GPHN: variants seen among roughly 807,000 people sequenced by gnomAD.
GPHN encodes gephyrin.
GPHN carries 17 observed loss-of-function variants against 95.5 expected under a neutral mutation model. The ratio of observed to expected loss-of-function variants is 0.18; its 90% confidence interval spans 0.12 to 0.27. The LOEUF (loss-of-function observed/expected upper bound fraction) is 0.27. Ranked by LOEUF, GPHN falls within the 10% of genes least tolerant of loss-of-function variation. GPHN has a pLI of 1.00. For missense variants in GPHN, 660 were observed against 978.1 expected, an observed-to-expected ratio of 0.67 and a Z score of 4.34; for synonymous variants, 320 against 322.5, an observed-to-expected ratio of 0.99 and a Z score of 0.08.
intron 2 of GPHN, among the ~76,000 whole-genome samples, chr14:66,725,470 G>A (rs1462550749): frequency 6.6e-6 from 1 of 152,104 alleles, no homozygotes; most frequent in African/African-American, 2.4e-5. Context: ...GACAGATAGT[G>A]TTTTTGTTTG....
At chr14:67,454,905 A>G in the GPHN span, among the ~76,000 whole-genome samples, 1 of 149,234 alleles carries the variant, frequency 6.7e-6, no homozygotes, top group Non-Finnish European at 1.5e-5. Context: ...ACGGAGTCTC[A>G]CTCTGTCACC....
At chr14:67,315,523 A>G in the GPHN span, among the ~76,000 whole-genome samples, 2 of 152,034 alleles carry the variant, frequency 1.3e-5, no homozygotes, top group Non-Finnish European at 1.5e-5. Flanking sequence ...TGATCTGCCC[A>G]CCTTGGCCTC....
the GPHN span, chr14:67,334,583 C>T: frequency 6.6e-6 from 1 of 152,438 alleles, no homozygotes; most frequent in African/African-American, 2.4e-5. Flanking sequence ...TTATATGTCG[C>T]CTTTTTCTGT....
At chr14:67,195,811 T>C in the GPHN span, among the ~76,000 whole-genome samples, 1 of 151,720 alleles carries the variant, frequency 6.6e-6, no homozygotes. Context: ...TGGCACGATC[T>C]CAGCTCACTG....
At chr14:66,917,284 G>A (rs1052521759) in intron 6 of GPHN, among the ~76,000 whole-genome samples, 1 of 152,126 alleles carries the variant, frequency 6.6e-6, no homozygotes, top group Non-Finnish European at 1.5e-5. Context: ...GACATTAACA[G>A]ACCAGAATGT....
At chr14:67,542,120 G>GA in the GPHN span, 5 of 899,424 alleles carry the variant, frequency 5.6e-6, no homozygotes, top group African/African-American at 6.8e-5. Flanking sequence ...TATGCAAAAT[G>GA]AAACCCAAGG....
At chr14:67,516,347 G>A in the GPHN span, among the ~76,000 whole-genome samples, 5 of 152,134 alleles carry the variant, frequency 3.3e-5, no homozygotes, top group African/African-American at 1.2e-4. Context: ...CCCTATGCAT[G>A]CCGAGGCCTG....
chr14:67,464,926 G>C, the GPHN span, among the ~76,000 whole-genome samples: 1 of 152,110 alleles, frequency 6.6e-6, no homozygotes, highest in Non-Finnish European at 1.5e-5. Flanking sequence ...TCTAGATCTG[G>C]GTTAATCCCT....
chr14:66,955,534 T>A (rs1392882991), intron 8 of GPHN, among the ~76,000 whole-genome samples: 1 of 152,188 alleles, frequency 6.6e-6, no homozygotes, highest in Non-Finnish European at 1.5e-5. Context: ...CTTAAAGATT[T>A]GTTCGTTTTG....
chr14:67,130,918 T>C (rs1238847992), intron 17 of GPHN, among the ~76,000 whole-genome samples: 1 of 152,156 alleles, frequency 6.6e-6, no homozygotes, highest in East Asian at 1.9e-4. Flanking sequence ...TATGTCTTCT[T>C]TTGAGAAGTG....
chr14:67,728,703 TG>T, the GPHN span, among the ~76,000 whole-genome samples: 10,177 of 142,222 alleles, frequency 0.072, 445 homozygotes, highest in Middle Eastern at 0.15. Flanking sequence ...GGATATCTTG[TG>T]GGGGGGGGGT....
At chr14:66,639,782 A>G (rs965421717) in intron 1 of GPHN, among the ~76,000 whole-genome samples, 1 of 152,092 alleles carries the variant, frequency 6.6e-6, no homozygotes, top group Non-Finnish European at 1.5e-5. Flanking sequence ...ATGATATTTT[A>G]TAAAATTTAT....
intron 4 of GPHN, among the ~76,000 whole-genome samples, chr14:66,870,635 A>G (rs2063396198): frequency 6.6e-6 from 1 of 152,218 alleles, no homozygotes; most frequent in Non-Finnish European, 1.5e-5. Flanking sequence ...ATTTTTAAAA[A>G]TATAAATGTG....
the GPHN span, among the ~76,000 whole-genome samples, chr14:67,347,625 T>A: frequency 6.6e-6 from 1 of 151,702 alleles, no homozygotes; most frequent in Non-Finnish European, 1.5e-5. Context: ...GTCAGCCTCC[T>A]GAATAGGTGG....
chr14:66,901,901 A>T (rs2065144614), intron 5 of GPHN, among the ~76,000 whole-genome samples: 1 of 151,866 alleles, frequency 6.6e-6, no homozygotes, highest in Admixed American at 6.6e-5. Flanking sequence ...TTGTTTTTAT[A>T]TTTCTGTGGA....
At chr14:67,554,657 G>A in the GPHN span, among the ~76,000 whole-genome samples, 1 of 152,184 alleles carries the variant, frequency 6.6e-6, no homozygotes, top group Admixed American at 6.5e-5. Context: ...GCCCTGGCAG[G>A]GGAAGAATGG....
chr14:66,598,184 G>T (rs1190328821), intron 1 of GPHN, among the ~76,000 whole-genome samples: 2 of 152,030 alleles, frequency 1.3e-5, no homozygotes, highest in Non-Finnish European at 2.9e-5. Context: ...TAAAGTGGAG[G>T]AATAAATTCA....
intron 11 of GPHN, among the ~76,000 whole-genome samples, chr14:67,072,247 GTA>G (rs2076340076): frequency 6.6e-6 from 1 of 152,026 alleles, no homozygotes; most frequent in Non-Finnish European, 1.5e-5. Context: ...CCTTATTCCA[GTA>G]AAGAAGGATC....
the GPHN span, among the ~76,000 whole-genome samples, chr14:67,700,015 C>G: frequency 6.6e-6 from 1 of 151,952 alleles, no homozygotes; most frequent in South Asian, 2.1e-4. Flanking sequence ...TGGTGCGCAC[C>G]TGTAGTCCCA....
Sources: allele counts gnomAD v4.1 joint callset (sites outside exome capture counted in the v4.1 genomes callset), GRCh38; gene constraint gnomAD v4.1.1; transcripts MANE v1.5; gene names NCBI Gene and HGNC (gene_info 2026-07-23, HGNC 2026-07-21).